Variants in TMOD1 observed in about 807,000 individuals in gnomAD.
The protein encoded by TMOD1 is tropomodulin 1, also known as tropomodulin-1.
Under a neutral mutation model 40.6 loss-of-function variants are expected in TMOD1, and 17 were observed. The observed-to-expected ratio is 0.42, with a 90% confidence interval of 0.29 to 0.63. The LOEUF is 0.63. Ranked by LOEUF, TMOD1 falls within the 20% of genes least tolerant of loss-of-function variation. TMOD1 has a pLI of 0.22. For missense variants in TMOD1, 391 were observed against 447.6 expected (o/e 0.87, Z 1.14); for synonymous variants, 181 against 175.0 (o/e 1.03, Z -0.27).
At chr9:97,598,826 A>G (rs1826178405) in intron 9 of TMOD1, among the ~76,000 whole-genome samples, 1 of 152,028 alleles carries the variant, frequency 6.6e-6, no homozygotes, top group South Asian at 2.1e-4. Flanking sequence ...TCCCTCCACC[A>G]TAGCTTCCTG....
chr9:97,555,708 C>A, intron 4 of TMOD1: 1 of 1,544,168 alleles, frequency 6.5e-7, no homozygotes, highest in Non-Finnish European at 8.8e-7. Context: ...GTCCCAGGTT[C>A]TATGTGAGTT....
At chr9:97,582,214 A>C (rs1315186762) in intron 8 of TMOD1, among the ~76,000 whole-genome samples, 1 of 150,166 alleles carries the variant, frequency 6.7e-6, no homozygotes, top group East Asian at 2.0e-4. Context: ...AGCTTTCTAC[A>C]TATGGCTAGC....
chr9:97,507,647 C>T lies in TMOD1; in HGVS notation c.-49+5844C>T, dbSNP rs1030754730. Among the ~76,000 whole-genome samples, 13 of 152,116 alleles carry T rather than the reference C, an allele frequency of 8.5e-5. No individual in the cohort carries two copies. The East Asian group carries it at 9.6e-4, about 11-fold the overall frequency. ...TTCCCCTGAAGCCTATTCAAAAGTCCGGGTTAAGAGCACCCGATACAGAGA... is the reference window on the plus strand; with the variant it reads ...TTCCCCTGAAGCCTATTCAAAAGTCTGGGTTAAGAGCACCCGATACAGAGA... On this transcript the variant is annotated intron_variant, in intron 1 of 9. Coordinates refer to ENST00000259365, the MANE Select transcript of TMOD1 (RefSeq NM_003275.4).
intron 1 of TMOD1, among the ~76,000 whole-genome samples, chr9:97,508,455 G>A (rs1829637311): frequency 6.6e-6 from 1 of 152,142 alleles, no homozygotes; most frequent in Non-Finnish European, 1.5e-5. Context: ...CTCCCACAGT[G>A]CTGGAATTAC....
chr9:97,582,948 A>G (rs1825788480), intron 8 of TMOD1, among the ~76,000 whole-genome samples: 2 of 151,648 alleles, frequency 1.3e-5, no homozygotes, highest in African/African-American at 4.9e-5. Flanking sequence ...GTCTGCAAAC[A>G]GGGACAATTT....
chr9:97,537,689 G>A (rs914766654), intron 2 of TMOD1, among the ~76,000 whole-genome samples: 4 of 152,162 alleles, frequency 2.6e-5, no homozygotes, highest in African/African-American at 9.7e-5. Flanking sequence ...CACAGGAAAA[G>A]TTGCCTAATT....
At chr9:97,552,079 T>G (rs937626250) in intron 3 of TMOD1, among the ~76,000 whole-genome samples, 16 of 152,222 alleles carry the variant, frequency 1.1e-4, no homozygotes, top group African/African-American at 3.9e-4. Context: ...TTTTTTTGTG[T>G]GGAAATTCAG....
chr9:97,515,571 C>T (rs867264351), intron 1 of TMOD1, among the ~76,000 whole-genome samples: 2 of 152,178 alleles, frequency 1.3e-5, no homozygotes, highest in African/African-American at 4.8e-5. Flanking sequence ...TGAGCCACCA[C>T]GCTCAGCCTA....
At chr9:97,566,302 C>T (rs1024485858) in intron 7 of TMOD1, among the ~76,000 whole-genome samples, 1 of 152,186 alleles carries the variant, frequency 6.6e-6, no homozygotes, top group African/African-American at 2.4e-5. Flanking sequence ...CACGTGACCC[C>T]TAAATCTTCA....
At chr9:97,580,534 A>C (rs569147550) in intron 8 of TMOD1, among the ~76,000 whole-genome samples, 14 of 151,856 alleles carry the variant, frequency 9.2e-5, no homozygotes, top group Non-Finnish European at 1.3e-4. Context: ...TGAACCTGGG[A>C]GGCAGAGGCT....
chr9:97,572,373 G>C (rs1830832223), intron 8 of TMOD1, among the ~76,000 whole-genome samples: 1 of 152,222 alleles, frequency 6.6e-6, no homozygotes, highest in African/African-American at 2.4e-5. Flanking sequence ...GTTCTGGCTG[G>C]ATGGGAGGGG....
chr9:97,507,109 T>C (rs1156816105), intron 1 of TMOD1, among the ~76,000 whole-genome samples: 1 of 152,212 alleles, frequency 6.6e-6, no homozygotes, highest in African/African-American at 2.4e-5. Context: ...TTTTTAAATC[T>C]ACAAATGAAT....
In TMOD1 at chr9:97,524,202, G is replaced by T. The variant is rs141454774; in HGVS notation, c.14G>T (p.Arg5Leu). 1 of 1,614,034 alleles carries T rather than the reference G, an allele frequency of 6.2e-7. No individual in the cohort carries two copies. Among genetic ancestry groups the T allele is most frequent in the Non-Finnish European group, 8.5e-7 (1 of 1,179,950 alleles). Reference protein sequence around the residue: MSYRRELEKYRDLDE... With the variant: MSYRLELEKYRDLDE... ...AGTTCTTCCACGATGTCGTACAGAC[G>T]AGAACTAGAGAAATACCGTGACCTG... The change falls in exon 2 of 10, where the codon CGA becomes CTA. Residue 5 changes from arginine to leucine, a missense_variant. Coordinates refer to ENST00000259365, the MANE Select transcript of TMOD1 (RefSeq NM_003275.4).
intron 8 of TMOD1, among the ~76,000 whole-genome samples, chr9:97,588,424 A>G (rs1443568224): frequency 6.6e-6 from 1 of 152,154 alleles, no homozygotes; most frequent in East Asian, 1.9e-4. Flanking sequence ...TTGCTCATTT[A>G]TAAATTGTGT....
rs1188511819 is a variant in TMOD1 at position 97,600,714 on chromosome 9, T to C, written c.*1016T>C. On this transcript the variant is annotated 3_prime_UTR_variant, in exon 10 of 10. Transcript: ENST00000259365. ...TAAGCCTCCGCAGGATGCCGGACAA[T>C]GGTGAAGAAACTCCAGATATCAAGG... is the stretch of plus-strand genomic sequence containing the variant. The C allele has an allele frequency of 5.0e-6, 5 of 1,004,686 alleles. No individual in the cohort carries two copies. Among genetic ancestry groups the C allele is most frequent in the Non-Finnish European group, 5.9e-6 (5 of 841,720 alleles). The allele number at this position is 1,004,686 out of a possible 1,614,324, so 62.2% of individuals were successfully genotyped here. A position where few individuals can be genotyped will look rare whatever the true frequency, so the allele number is the denominator to read the frequency against.
chr9:97,565,617 A>C (rs1187785058), intron 6 of TMOD1, among the ~76,000 whole-genome samples: 3 of 152,188 alleles, frequency 2.0e-5, no homozygotes, highest in Non-Finnish European at 4.4e-5. Context: ...GTGCACAAAG[A>C]AAGAGGTTAC....
rs139570502 is a variant in TMOD1 at position 97,555,208 on chromosome 9, C to T, written c.397+1808C>T. On this transcript the variant is annotated intron_variant, in intron 4 of 9. Coordinates refer to ENST00000259365, the MANE Select transcript of TMOD1 (RefSeq NM_003275.4). The stretch of plus-strand genomic sequence containing the variant: ...GAGTCACAGTAGATCCTCCATTGAG[C>T]CCGTATATTATACATCACACTTCAA... Among the ~76,000 whole-genome samples, 53 of 152,320 alleles carry T rather than the reference C, an allele frequency of 3.5e-4. No homozygotes were observed. The East Asian group carries it at 9.8e-3, about 28-fold the overall frequency.
chr9:97,501,627 C>G (rs1829502149), upstream of TMOD1: 1 of 149,166 alleles, frequency 6.7e-6, no homozygotes. Flanking sequence ...TGGCTCCCAC[C>G]CCCGAGCCCA....
chr9:97,567,465 G>A (rs549934778), intron 7 of TMOD1, among the ~76,000 whole-genome samples: 5 of 152,308 alleles, frequency 3.3e-5, no homozygotes, highest in Admixed American at 6.5e-5. Context: ...TCCTGGCCCC[G>A]GTTCCTCCAC....
Sources: gnomAD v4.1 joint callset for allele counts (sites outside exome capture counted in the v4.1 genomes callset) on GRCh38, gnomAD v4.1.1 for gene constraint, MANE v1.5 for transcripts, NCBI Gene and HGNC (gene_info 2026-07-23, HGNC 2026-07-21) for gene names.